RGS12: variants seen among roughly 807,000 people sequenced by gnomAD.
The protein encoded by RGS12 is regulator of G protein signaling 12.
RGS12 carries 66 observed loss-of-function variants against 120.1 expected under a neutral mutation model. That is an observed-to-expected ratio of 0.55 (90% CI 0.45 to 0.67). The LOEUF is 0.67. Ranked by LOEUF, RGS12 falls within the 30% of genes least tolerant of loss-of-function variation. The pLI, the probability that RGS12 is intolerant of heterozygous loss-of-function variation, is 0.00. For missense variants in RGS12, 1,859 were observed against 1,957.7 expected (o/e 0.95, Z 0.95); for synonymous variants, 827 against 804.7 (o/e 1.03, Z -0.47).
intron 17 of RGS12, chr4:3,431,175 T>G: frequency 7.1e-7 from 1 of 1,407,102 alleles, no homozygotes; most frequent in Non-Finnish European, 9.2e-7. Context: ...CGAGGCGCTC[T>G]GGGCAGGCAT....
intron 3 of RGS12, among the ~76,000 whole-genome samples, chr4:3,346,812 C>T (rs1713837649): frequency 6.6e-6 from 1 of 152,182 alleles, no homozygotes; most frequent in African/African-American, 2.4e-5. Flanking sequence ...ATAGATTTTG[C>T]CTACAGTCTT....
At chr4:3,401,589 G>A (rs565997768) in intron 4 of RGS12, among the ~76,000 whole-genome samples, 3 of 152,352 alleles carry the variant, frequency 2.0e-5, no homozygotes, top group South Asian at 4.1e-4. Flanking sequence ...TTTTTACTGC[G>A]GTTTTACAGC....
chr4:3,418,189 CA>C (rs1433330142), intron 9 of RGS12: 1 of 152,308 alleles, frequency 6.6e-6, no homozygotes, highest in African/African-American at 2.4e-5. Context: ...CCCAGGGCGC[CA>C]GGGGGTGGGG....
upstream of RGS12, among the ~76,000 whole-genome samples, chr4:3,289,129 C>T (rs1408139919): frequency 1.3e-5 from 2 of 152,218 alleles, no homozygotes; most frequent in Non-Finnish European, 2.9e-5. Context: ...GGTGTGGGCC[C>T]CTCAGAGAAC....
intron 3 of RGS12, among the ~76,000 whole-genome samples, chr4:3,375,161 G>T (rs1483012371): frequency 2.0e-5 from 3 of 152,198 alleles, no homozygotes; most frequent in African/African-American, 7.2e-5. Flanking sequence ...GGGTTTAGCT[G>T]CACGGGAGGT....
chr4:3,383,944 A>G (rs940627519), intron 3 of RGS12, among the ~76,000 whole-genome samples: 1 of 152,360 alleles, frequency 6.6e-6, no homozygotes, highest in Admixed American at 6.5e-5. Flanking sequence ...TGCTGCGTGT[A>G]TAGAGGTTTT....
intron 17 of RGS12, chr4:3,431,452 C>T (rs867683633): frequency 2.8e-5 from 28 of 991,360 alleles, no homozygotes; most frequent in East Asian, 1.1e-4. Flanking sequence ...GAGTGCAGCT[C>T]GGACCCACCG....
intron 3 of RGS12, among the ~76,000 whole-genome samples, chr4:3,384,802 ACT>A (rs1299983747): frequency 6.6e-6 from 1 of 152,046 alleles, no homozygotes; most frequent in Non-Finnish European, 1.5e-5. Context: ...CAGAGGACAG[ACT>A]CTGCGGGGGA....
At chr4:3,304,444 G>C (rs187557670) in intron 1 of RGS12, among the ~76,000 whole-genome samples, 1 of 152,244 alleles carries the variant, frequency 6.6e-6, no homozygotes, top group African/African-American at 2.4e-5. Context: ...TTTGAGGGAG[G>C]CCGCTTTCTC....
In RGS12 at chr4:3,422,505, G is replaced by A. The variant is rs1465621729; in HGVS notation, c.2968G>A (p.Gly990Arg). The A allele has an allele frequency of 1.2e-5, 19 of 1,612,834 alleles. No individual in the cohort carries two copies. Among genetic ancestry groups the A allele is most frequent in the Admixed American group, 3.3e-5 (2 of 60,010 alleles). ...CTTCTCCATCAAAGACATCCTGTCCGGACTCTGTGAGCGGCATGGCATCAA... is the reference window on the plus strand; with the variant it reads ...CTTCTCCATCAAAGACATCCTGTCCAGACTCTGTGAGCGGCATGGCATCAA... Reference protein sequence around the residue: ...AGFSIKDILSGLCERHGINGA... With the variant: ...AGFSIKDILSRLCERHGINGA... Residue 990 changes from glycine (G) to arginine (R), a missense_variant, in exon 11 of 18, where the codon GGA (glycine) becomes AGA (arginine). Around this residue, in one of 3 missense-constraint regions of RGS12, gnomAD observed 375 missense variants for 475.0 expected, o/e 0.79. Coordinates refer to ENST00000336727, the MANE Select transcript of RGS12 (RefSeq NM_001394154.1).
chr4:3,368,949 T>TGGGGCCATGGTAGGTAGAGGC (rs1210133149), intron 3 of RGS12, among the ~76,000 whole-genome samples: 4 of 151,906 alleles, frequency 2.6e-5, no homozygotes, highest in Non-Finnish European at 5.9e-5. Context: ...GGGAAGTGGG[T>TGGGGCCATGGTAGGTAGAGGC]GGGGCCATGG....
rs1722138133 is a variant in RGS12, at chr4:3,414,649, G to T, written c.2191-103G>T. Reference sequence around the variant, plus strand: ...GTTTCTCTCTCCAGGCCCTCGGGCAGCTCACTGAGCAGCCAGTGACCCCGT... The same window carrying T: ...GTTTCTCTCTCCAGGCCCTCGGGCATCTCACTGAGCAGCCAGTGACCCCGT... On this transcript the variant is annotated intron_variant, in intron 5 of 17. Coordinates refer to ENST00000336727, the MANE Select transcript of RGS12 (RefSeq NM_001394154.1). 7.3e-6 allele frequency: 6 copies of T among 827,204 alleles called. No homozygotes were observed. The South Asian group carries it at 9.2e-5, about 13-fold the overall frequency. 51.2% of individuals were successfully genotyped at this position (827,204 alleles called of 1,614,324 possible). A position where few individuals can be genotyped will look rare whatever the true frequency, so the allele number is the denominator to read the frequency against.
chr4:3,320,458 G>A (rs993813002), intron 2 of RGS12, among the ~76,000 whole-genome samples: 3 of 152,232 alleles, frequency 2.0e-5, no homozygotes, highest in Admixed American at 2.0e-4. Context: ...TACCTTGATA[G>A]GAATCCTGAG....
chr4:3,328,141 G>A lies in RGS12; in HGVS notation c.1881+10090G>A, dbSNP rs778808611. ...TCCTAAGTGAAACAAGTCAGATACA[G>A]AAAGACAAATCCCACATGTTCACAT... On this transcript the variant is annotated intron_variant, in intron 2 of 17. Transcript: ENST00000336727. Among the ~76,000 whole-genome samples, 3 of 152,144 alleles carry A rather than the reference G, an allele frequency of 2.0e-5. No individual in the cohort carries two copies. In the East Asian group the frequency reaches 5.8e-4, roughly 29 times the overall value.
At chr4:3,429,431 C>T (rs1275591179) in intron 16 of RGS12, among the ~76,000 whole-genome samples, 6 of 152,204 alleles carry the variant, frequency 3.9e-5, no homozygotes, top group East Asian at 1.9e-4. Context: ...TCTGACCTCA[C>T]GGTAAAACTA....
At chr4:3,428,441 A>T in intron 15 of RGS12, 117 bp from the exon 16 acceptor site, 1 of 948,238 alleles carries the variant, frequency 1.1e-6, no homozygotes, top group Non-Finnish European at 1.6e-6. Flanking sequence ...TCTGCAATGC[A>T]TGTAAATTCT....
chr4:3,386,336 GTTCCT>G (rs1423909650), intron 3 of RGS12, 75 bp from the exon 4 acceptor site: 6 of 1,359,588 alleles, frequency 4.4e-6, no homozygotes, highest in Non-Finnish European at 6.3e-6. Flanking sequence ...TGCCCCTTGT[GTTCCT>G]CAGATGGACT....
chr4:3,413,732 G>A, intron 4 of RGS12: 1 of 251,440 alleles, frequency 4.0e-6, no homozygotes, highest in Non-Finnish European at 7.6e-6. Context: ...TCAACCCTGT[G>A]GCTGTAGTTT....
At chr4:3,289,703 T>G (rs1225832949), upstream of RGS12, among the ~76,000 whole-genome samples, 1 of 152,156 alleles carries the variant, frequency 6.6e-6, no homozygotes, top group African/African-American at 2.4e-5. Context: ...TCTTAGAGAT[T>G]TTCAAGGGTA....
Sources: allele counts gnomAD v4.1 joint callset (sites outside exome capture counted in the v4.1 genomes callset), GRCh38; gene constraint gnomAD v4.1.1; regional missense constraint gnomAD v4.1.1; transcripts MANE v1.5; gene names NCBI Gene and HGNC (gene_info 2026-07-23, HGNC 2026-07-21).